ZNF730: variants seen among roughly 807,000 people sequenced by gnomAD.
ZNF730 encodes the protein zinc finger protein 730, also known as putative zinc finger protein 730.
A neutral mutation model predicts 12.6 loss-of-function variants in ZNF730; 12 were observed. The ratio of observed to expected loss-of-function variants is 0.95; its 90% CI spans 0.61 to 1.54. ZNF730 has a LOEUF of 1.54. ZNF730 is among the 40% of genes most tolerant of loss of function. The pLI is 0.00. For missense variants in ZNF730, 643 were observed against 583.5 expected (o/e 1.10, Z -1.05); for synonymous variants, 194 against 195.8 (o/e 0.99, Z 0.08).
chr19:23,115,629 CAT>C (rs937849436), upstream of ZNF730, among the ~76,000 whole-genome samples: 2 of 151,986 alleles, frequency 1.3e-5, no homozygotes, highest in Non-Finnish European at 2.9e-5. Flanking sequence ...TGGAGGATAA[CAT>C]AACATGGTGG....
chr19:23,114,786 T>A (rs962936642), upstream of ZNF730, among the ~76,000 whole-genome samples: 4 of 152,124 alleles, frequency 2.6e-5, no homozygotes, highest in African/African-American at 9.7e-5. Flanking sequence ...TCAAAATGTT[T>A]CTGCAATTTT....
At chr19:23,130,672 T>C (rs985849429) in intron 1 of ZNF730, among the ~76,000 whole-genome samples, 28 of 151,784 alleles carry the variant, frequency 1.8e-4, no homozygotes, top group African/African-American at 6.8e-4. Flanking sequence ...AAACCTTAAA[T>C]GATTTGTTTA....
rs569781495 is a variant in ZNF730 at position 23,079,085 on chromosome 19, C to T, written c.-94+3698C>T. On this transcript the variant is annotated intron_variant, in intron 1 of 2. Coordinates refer to the ZNF730 transcript ENST00000593635. ...CCTCCCAAAGTGCTGGGATTACAGG[C>T]GTGAGCCACTGTACCCGGCCCTATC... is the stretch of plus-strand genomic sequence containing the variant. 2.0e-5 allele frequency among the ~76,000 whole-genome samples: 3 copies of T among 152,070 alleles called. 1 individual carries two copies. Among genetic ancestry groups the T allele is most frequent in the Middle Eastern group, 6.4e-3 (2 of 312 alleles).
chr19:23,078,880 C>T (rs1186014673), intron 1 of ZNF730, among the ~76,000 whole-genome samples: 1 of 152,094 alleles, frequency 6.6e-6, no homozygotes, highest in African/African-American at 2.4e-5. Flanking sequence ...TCTCGGCTCA[C>T]TGCAACGTCC....
chr19:23,108,564 T>G (rs921459507), intron 1 of ZNF730, among the ~76,000 whole-genome samples: 1 of 152,226 alleles, frequency 6.6e-6, no homozygotes, highest in African/African-American at 2.4e-5. Context: ...ATAAAATGTC[T>G]TCTTAGCAGC....
At chr19:23,127,626 G>A (rs1970686737) in intron 1 of ZNF730, 1 of 1,042,738 alleles carries the variant, frequency 9.6e-7, no homozygotes, top group Admixed American at 1.7e-5. Flanking sequence ...TTAAAATTTG[G>A]CAATAAACTC....
intron 3 of ZNF730, among the ~76,000 whole-genome samples, chr19:23,139,804 C>T (rs1034287326): frequency 1.3e-5 from 2 of 152,152 alleles, no homozygotes; most frequent in African/African-American, 2.4e-5. Context: ...GGATTACAGA[C>T]GTGAGCCACT....
At position 23,117,168 on chromosome 19, in the gene ZNF730, C is replaced by T. The variant is rs1485104314; in HGVS notation, c.-6C>T. On this transcript the variant is annotated 5_prime_UTR_variant, in exon 1 of 4. Coordinates refer to ENST00000597761, the MANE Select transcript of ZNF730 (RefSeq NM_001277403.2). Reference sequence around the variant, plus strand: ...TAAGACGCCAGGGCCCCCTGGAAGCCTAGAAATGGTGAGAGTGCCGGTCCG... The same window carrying T: ...TAAGACGCCAGGGCCCCCTGGAAGCTTAGAAATGGTGAGAGTGCCGGTCCG... 6.2e-6 allele frequency: 10 copies of T among 1,613,816 alleles called. No homozygotes were observed. In the Admixed American group the frequency reaches 1.0e-4, roughly 16 times the overall value.
intron 1 of ZNF730, among the ~76,000 whole-genome samples, chr19:23,094,633 C>T (rs112359186): frequency 6.6e-6 from 1 of 151,988 alleles, no homozygotes; most frequent in Non-Finnish European, 1.5e-5. Flanking sequence ...GCCACCACAC[C>T]CAGCTAACTT....
chr19:23,116,480 CAT>C (rs1970525624), upstream of ZNF730, among the ~76,000 whole-genome samples: 1 of 151,292 alleles, frequency 6.6e-6, no homozygotes. Context: ...GATCTCGGCT[CAT>C]TGCAACCTCC....
At chr19:23,117,981 A>G (rs1420332307) in intron 1 of ZNF730, among the ~76,000 whole-genome samples, 1 of 150,804 alleles carries the variant, frequency 6.6e-6, no homozygotes, top group African/African-American at 2.4e-5. Context: ...GATCTTCTGC[A>G]TTTTTTTTTC....
At chr19:23,130,021 G>A (rs1486308443) in intron 1 of ZNF730, among the ~76,000 whole-genome samples, 3 of 151,650 alleles carry the variant, frequency 2.0e-5, no homozygotes, top group Non-Finnish European at 2.9e-5. Context: ...GACTTTGGGG[G>A]ACTGTTGGGA....
At chr19:23,125,796 C>T in intron 1 of ZNF730, 1 of 187,036 alleles carries the variant, frequency 5.3e-6, no homozygotes, top group Non-Finnish European at 1.2e-5. Flanking sequence ...ATAAATACAA[C>T]ACACCCAAAT....
intron 3 of ZNF730, among the ~76,000 whole-genome samples, chr19:23,141,351 C>CGCCA (rs1320850602): frequency 2.6e-5 from 4 of 151,340 alleles, no homozygotes; most frequent in Admixed American, 6.6e-5. Context: ...GGTGAGATCA[C>CGCCA]GCCACTGCAC....
intron 1 of ZNF730, chr19:23,127,054 C>A (rs1970680174): frequency 5.7e-6 from 3 of 521,818 alleles, no homozygotes; most frequent in East Asian, 1.1e-4. Context: ...AATGAAGAAC[C>A]AATTCTATTG....
chr19:23,082,110 G>C (rs1022037838), intron 1 of ZNF730, among the ~76,000 whole-genome samples: 1 of 152,120 alleles, frequency 6.6e-6, no homozygotes, highest in Non-Finnish European at 1.5e-5. Flanking sequence ...CTGTGTAATA[G>C]AAAACCAGAA....
chr19:23,141,653 T>A (rs1331839715), intron 3 of ZNF730, among the ~76,000 whole-genome samples: 2 of 152,174 alleles, frequency 1.3e-5, no homozygotes, highest in East Asian at 3.8e-4. Flanking sequence ...TTTGTGAATT[T>A]TTTTAGTTTT....
At chr19:23,123,414 C>T in intron 1 of ZNF730, 1 of 152,282 alleles carries the variant, frequency 6.6e-6, no homozygotes, top group Non-Finnish European at 1.5e-5. Context: ...CTAAAAACTA[C>T]AAAAAATTAG....
At chr19:23,139,477 A>G (rs1970882924) in intron 3 of ZNF730, among the ~76,000 whole-genome samples, 2 of 152,104 alleles carry the variant, frequency 1.3e-5, no homozygotes, top group African/African-American at 4.8e-5. Flanking sequence ...CCATGAGTAC[A>G]GTTTCAGTCT....
Sources: gnomAD v4.1 joint callset for allele counts (sites outside exome capture counted in the v4.1 genomes callset) on GRCh38, gnomAD v4.1.1 for gene constraint, MANE v1.5 for transcripts, NCBI Gene and HGNC (gene_info 2026-07-23, HGNC 2026-07-21) for gene names.